The following GSDME variants were observed in gnomAD, a reference collection of about 807,000 sequenced individuals.
The protein encoded by GSDME is gasdermin-E.
A neutral mutation model predicts 47.5 loss-of-function variants in GSDME; 44 were observed. The ratio of observed to expected loss-of-function variants is 0.93; its 90% CI spans 0.73 to 1.19. The LOEUF is 1.19. Ranked by LOEUF, GSDME falls within the 50% of genes most tolerant of loss-of-function variation. GSDME has a pLI of 0.00. For synonymous variants in GSDME, 258 were observed against 252.8 expected, an observed-to-expected ratio of 1.02 and a Z score of -0.20; for missense variants, 663 against 604.2, an observed-to-expected ratio of 1.10 and a Z score of -1.02.
Position 24,744,554 on chromosome 7 carries a change from C to G in GSDME, c.404+8G>C. ...TCAAAATCCAAAATGCCAAACAAGTCTCCTTACCTCTCGGCAGAGTCTCTG... is the reference window on the plus strand; with the variant it reads ...TCAAAATCCAAAATGCCAAACAAGTGTCCTTACCTCTCGGCAGAGTCTCTG... On this transcript the variant is annotated splice_region_variant and intron_variant, in intron 3 of 9. Coordinates refer to ENST00000645220, the MANE Select transcript of GSDME (RefSeq NM_001127453.2). The surrounding 1 kb of genome is among the most constrained non-coding windows in gnomAD (Gnocchi z 4.5). 1 of 1,614,138 alleles carries G rather than the reference C, an allele frequency of 6.2e-7. No homozygotes were observed. The highest frequency in any genetic ancestry group is 8.5e-7 in the Non-Finnish European group (1 of 1,180,028).
the GSDME span, among the ~76,000 whole-genome samples, chr7:24,793,624 A>AT: frequency 4.0e-5 from 6 of 151,798 alleles, no homozygotes; most frequent in African/African-American, 9.7e-5. Flanking sequence ...TATAACACAC[A>AT]TTTTTTTTCT....
At position 24,716,839 on chromosome 7, in the gene GSDME, A is replaced by C. The variant is rs1363068159; in HGVS notation, c.697+415T>G. ...AAATCTTCACACAGCCCTGTGAAGA[A>C]ATGCCCTTCACCTTCCAGAGACAGG... On this transcript the variant is annotated intron_variant, in intron 5 of 9. Transcript: ENST00000645220. The surrounding 1 kb of genome is among the most constrained non-coding windows in gnomAD (Gnocchi z 4.5). 3.5e-6 allele frequency: 1 copy of C among 284,480 alleles called. No individual in the cohort carries two copies. The highest frequency in any genetic ancestry group is 7.0e-6 in the Non-Finnish European group (1 of 143,510). The allele number at this position is 284,480 out of a possible 1,614,324, so 17.6% of individuals were successfully genotyped here.
chr7:24,755,381 C>T (rs1790981564), intron 1 of GSDME, among the ~76,000 whole-genome samples: 1 of 152,170 alleles, frequency 6.6e-6, no homozygotes, highest in Non-Finnish European at 1.5e-5. Flanking sequence ...TCTCTCTGGC[C>T]TTCTCTCATT....
chr7:24,759,238 C>T (rs1349902896), upstream of GSDME, among the ~76,000 whole-genome samples: 1 of 152,176 alleles, frequency 6.6e-6, no homozygotes, highest in Non-Finnish European at 1.5e-5. Context: ...GCATCCCCCG[C>T]TAGGGTACTG....
intron 3 of GSDME, among the ~76,000 whole-genome samples, chr7:24,731,145 T>G (rs1562704964): frequency 6.6e-6 from 1 of 152,214 alleles, no homozygotes; most frequent in Non-Finnish European, 1.5e-5. Context: ...CTTCACAGCT[T>G]TGCTTCCCAT....
chr7:24,734,021 G>A (rs1207017479), intron 3 of GSDME, among the ~76,000 whole-genome samples: 1 of 152,240 alleles, frequency 6.6e-6, no homozygotes, highest in Non-Finnish European at 1.5e-5. Context: ...TGCAGTCCCA[G>A]TGGTGGTGGC....
rs908247486 is a variant in GSDME at position 24,733,655 on chromosome 7, G to T, written c.404+10907C>A. ...GGTGGCCTGGCAGTGCTCCTTGTGG[G>T]CCTGTAGTGCTGGTGGACATGGGTG... On this transcript the variant is annotated intron_variant, in intron 3 of 9. Transcript: ENST00000645220. The surrounding 1 kb of genome is among the most constrained non-coding windows in gnomAD (Gnocchi z 4.3). Among the ~76,000 whole-genome samples, 6 of 152,198 alleles carry T rather than the reference G, an allele frequency of 3.9e-5. No homozygotes were observed. Among genetic ancestry groups the T allele is most frequent in the African/African-American group, 1.4e-4 (6 of 41,436 alleles).
chr7:24,722,630 T>A (rs1203173586), intron 3 of GSDME, among the ~76,000 whole-genome samples: 1 of 152,102 alleles, frequency 6.6e-6, no homozygotes, highest in Non-Finnish European at 1.5e-5. Context: ...GGATTGGAAA[T>A]CACAGCCCTC....
rs1183157973 is a variant in GSDME, at chr7:24,739,069, T to C, written c.404+5493A>G. Reference sequence around the variant, plus strand: ...AGGGAAACTCTCTAGGACATTGAACTGGGCAAAGGTTTCTTGAGTAACATC... The same window carrying C: ...AGGGAAACTCTCTAGGACATTGAACCGGGCAAAGGTTTCTTGAGTAACATC... On this transcript the variant is annotated intron_variant, in intron 3 of 9. Coordinates refer to ENST00000645220, the MANE Select transcript of GSDME (RefSeq NM_001127453.2). The surrounding 1 kb of genome is among the most constrained non-coding windows in gnomAD (Gnocchi z 5.1). 2.0e-5 allele frequency among the ~76,000 whole-genome samples: 3 copies of C among 152,344 alleles called. No individual in the cohort carries two copies. Among genetic ancestry groups the C allele is most frequent in the South Asian group, 4.1e-4 (2 of 4,824 alleles).
At position 24,744,984 on chromosome 7, in the gene GSDME, CGTGTGT is replaced by C. The variant is rs3038357; in HGVS notation, c.212-236_212-231del. Among the ~76,000 whole-genome samples the C allele has an allele frequency of 0.067, 7,963 of 118,888 alleles. 346 individuals are homozygous for C. Among genetic ancestry groups the C allele is most frequent in the Admixed American group, 0.11 (1,282 of 11,554 alleles). The allele number at this position is 118,888 out of a possible 152,430, so 78.0% of individuals were successfully genotyped here. A position where few individuals can be genotyped will look rare whatever the true frequency, so the allele number is the denominator to read the frequency against. ...GGGCACACAGTGGACCAGTGCAGCA[CGTGTGT>C]GTGTGTGTGTGTGTGTGTGTGTGTG... On this transcript the variant is annotated intron_variant, in intron 2 of 9. Coordinates refer to ENST00000645220, the MANE Select transcript of GSDME (RefSeq NM_001127453.2). The surrounding 1 kb of genome is among the most constrained non-coding windows in gnomAD (Gnocchi z 4.5).
rs1301443211 is a variant in GSDME at position 24,725,309 on chromosome 7, G to GT, written c.405-6092dup. Among the ~76,000 whole-genome samples, 3 of 152,084 alleles carry GT rather than the reference G, an allele frequency of 2.0e-5. No homozygotes were observed. The highest frequency in any genetic ancestry group is 4.4e-5 in the Non-Finnish European group (3 of 68,024). ...AGCAGATGGCAGGGGCTCTGTAAATGTTTTTTTCCTTCCACTATTGGCAGG... is the reference window on the plus strand; with the variant it reads ...AGCAGATGGCAGGGGCTCTGTAAATGTTTTTTTTCCTTCCACTATTGGCAGG... On this transcript the variant is annotated intron_variant, in intron 3 of 9. Transcript: ENST00000645220. The surrounding 1 kb of genome is among the most constrained non-coding windows in gnomAD (Gnocchi z 5.1).
chr7:24,760,022 A>G (rs975144930), upstream of GSDME, among the ~76,000 whole-genome samples: 3 of 152,248 alleles, frequency 2.0e-5, no homozygotes, highest in Non-Finnish European at 4.4e-5. This position sits in a 1 kb window ranked among gnomAD's most constrained non-coding sequence, Gnocchi z 4.2. Flanking sequence ...TTCCATATAG[A>G]TATATCCCCT....
intron 5 of GSDME, 178 bp downstream of exon 5, chr7:24,717,076 C>A: frequency 1.5e-6 from 1 of 676,840 alleles, no homozygotes. Context: ...ACACCCCTCC[C>A]CCAGTGCAGC....
At chr7:24,746,768 G>T (rs1356497334) in intron 2 of GSDME, among the ~76,000 whole-genome samples, 5 of 152,194 alleles carry the variant, frequency 3.3e-5, no homozygotes, top group African/African-American at 1.2e-4. Context: ...GCTGTCAACT[G>T]CTGTTGGTGG....
At position 24,717,255 on chromosome 7, in the gene GSDME, G is replaced by C. The variant is rs202055600; in HGVS notation, c.696C>G (p.Phe232Leu). ...GCACCCATAGGAGGTGGCACTCACC[G>C]AACTGGCCGTCCAGTTTCACGTATA... ...IELYVKLDGQ[F>L]EFCLLRGKQG... Residue 232 changes from phenylalanine to leucine, a missense_variant and splice_region_variant, in exon 5 of 10, where the codon TTC becomes TTG. Transcript: ENST00000645220. The C allele has an allele frequency of 7.1e-6, 11 of 1,553,838 alleles. No homozygotes were observed. The African/African-American group carries it at 1.3e-4, about 18-fold the overall frequency.
At chr7:24,706,436 G>C (rs774049706) in intron 7 of GSDME, 60 bp from the exon 8 acceptor site, 237 of 1,544,952 alleles carry the variant, frequency 1.5e-4, no homozygotes, top group Middle Eastern at 2.3e-4. Context: ...CCACAGCTGG[G>C]GCCTCCGCTC....
chr7:24,700,084 C>T (rs1788802175), intron 9 of GSDME, among the ~76,000 whole-genome samples: 1 of 152,092 alleles, frequency 6.6e-6, no homozygotes, highest in African/African-American at 2.4e-5. Flanking sequence ...TAGCTACCCC[C>T]AGCCCCAGAA....
chr7:24,732,021 C>CA lies in GSDME; in HGVS notation c.404+12540dup, dbSNP rs558871278. ...GAGGTACTGCCAGCCCCTCCCATCC[C>CA]AGACCTTGGGATGCCCCGGTTTATT... On this transcript the variant is annotated intron_variant, in intron 3 of 9. Coordinates refer to ENST00000645220, the MANE Select transcript of GSDME (RefSeq NM_001127453.2). This position sits in a 1 kb window ranked among gnomAD's most constrained non-coding sequence, Gnocchi z 4.8. Among the ~76,000 whole-genome samples the CA allele has an allele frequency of 2.6e-5, 4 of 152,312 alleles. No homozygotes were observed. The highest frequency in any genetic ancestry group is 9.6e-5 in the African/African-American group (4 of 41,556).
chr7:24,742,190 C>T lies in GSDME; in HGVS notation c.404+2372G>A, dbSNP rs1006017569. ...ACCCACCAAGTATCCTCCCTAGGGA[C>T]GCGGGTTCATGCCTCGGCCTTAACA... On this transcript the variant is annotated intron_variant, in intron 3 of 9. Transcript: ENST00000645220. This position sits in a 1 kb window ranked among gnomAD's most constrained non-coding sequence, Gnocchi z 4.4. 2.4e-4 allele frequency among the ~76,000 whole-genome samples: 36 copies of T among 152,270 alleles called. No individual in the cohort carries two copies. The highest frequency in any genetic ancestry group is 7.5e-4 in the African/African-American group (31 of 41,544).
Sources: gnomAD v4.1 joint callset for allele counts (sites outside exome capture counted in the v4.1 genomes callset) on GRCh38, gnomAD v4.1.1 for gene constraint, Gnocchi (gnomAD v3.1) non-coding constraint, MANE v1.5 for transcripts, NCBI Gene and HGNC (gene_info 2026-07-23, HGNC 2026-07-21) for gene names.